NEB: variants seen among roughly 807,000 people sequenced by gnomAD.
NEB encodes the protein nemaline myopathy type 2.
NEB carries 512 observed loss-of-function variants against 952.2 expected under a neutral mutation model. The ratio of observed to expected loss-of-function variants is 0.54; its 90% confidence interval spans 0.50 to 0.58. NEB has a LOEUF of 0.58. NEB is among the 20% of genes least tolerant of loss of function. The pLI is 0.00. For synonymous variants in NEB, 2,900 were observed against 3,149.8 expected (o/e 0.92, Z 2.66); for missense variants, 8,428 against 9,231.1 (o/e 0.91, Z 3.56).
At chr2:151,543,216 G>A (rs1019537512) in intron 135 of NEB, among the ~76,000 whole-genome samples, 1 of 152,226 alleles carries the variant, frequency 6.6e-6, no homozygotes, top group Non-Finnish European at 1.5e-5. Flanking sequence ...GGAATTTAAT[G>A]TAATGCGGCA....
intron 170 of NEB, 39 bp downstream of exon 170, chr2:151,498,221 A>G (rs2061662596): frequency 6.5e-7 from 1 of 1,550,098 alleles, no homozygotes; most frequent in South Asian, 1.2e-5. Context: ...TTTAATTCTG[A>G]AGTTAAGTGG....
At chr2:151,506,838 C>CT in intron 163 of NEB, 71 bp downstream of exon 163, 2 of 981,712 alleles carry the variant, frequency 2.0e-6, no homozygotes, top group Non-Finnish European at 3.2e-6. Flanking sequence ...CAATATAAGG[C>CT]TAGTATATTT....
intron 13 of NEB, among the ~76,000 whole-genome samples, chr2:151,700,814 G>T (rs1226709815): frequency 7.5e-6 from 1 of 132,976 alleles, no homozygotes; most frequent in African/African-American, 2.8e-5. Context: ...CTGCAAACAG[G>T]GACAATTTGA....
intron 101 of NEB, 27 bp downstream of exon 101, chr2:151,583,428 C>T: frequency 4.1e-6 from 1 of 243,030 alleles, no homozygotes; most frequent in Non-Finnish European, 7.5e-6. Flanking sequence ...TACACATCTC[C>T]CCGGGGTCTG....
Position 151,485,859 on chromosome 2 carries a change from G to A in NEB, c.25479C>T (p.Ile8493=), listed in dbSNP as rs2049826815. Reference sequence around the variant, plus strand: ...CTTCATCAATTGCTTGAACATTTATGATGGCATCTCCATCCTTGAAGGACA... The same window carrying A: ...CTTCATCAATTGCTTGAACATTTATAATGGCATCTCCATCCTTGAAGGACA... ...DEVSFKDGDA[I]INVQAIDEGW... is the part of the protein sequence containing the mutation. Residue 8493 remains isoleucine (I), a synonymous_variant, in exon 182 of 182, where the codon ATC becomes ATT. Coordinates refer to ENST00000397345, the MANE Select transcript of NEB (RefSeq NM_001164508.2). 4 of 1,614,000 alleles carry A rather than the reference G, an allele frequency of 2.5e-6. No homozygotes were observed. Among genetic ancestry groups the A allele is most frequent in the Non-Finnish European group, 3.4e-6 (4 of 1,179,890 alleles).
chr2:151,725,627 C>A, intron 5 of NEB, 67 bp from the exon 6 acceptor site: 1 of 1,240,226 alleles, frequency 8.1e-7, no homozygotes, highest in Non-Finnish European at 1.2e-6. Flanking sequence ...ATACTCACCC[C>A]ATTTGATAAA....
chr2:151,526,586 G>A (rs1428444734), intron 148 of NEB, among the ~76,000 whole-genome samples: 3 of 152,186 alleles, frequency 2.0e-5, no homozygotes, highest in Non-Finnish European at 4.4e-5. Context: ...GGAGGAAACT[G>A]TAGTGAAGGG....
chr2:151,702,988 T>C (rs1019541621), intron 13 of NEB, among the ~76,000 whole-genome samples: 3 of 152,226 alleles, frequency 2.0e-5, no homozygotes, highest in Non-Finnish European at 4.4e-5. Flanking sequence ...GATTTTGCAG[T>C]GGCTGGTACC....
intron 46 of NEB, among the ~76,000 whole-genome samples, chr2:151,660,310 T>C (rs951114715): frequency 4.6e-5 from 7 of 152,202 alleles, no homozygotes; most frequent in African/African-American, 1.7e-4. Context: ...CCAATTTTCA[T>C]CTTAGCGTCT....
At chr2:151,534,548 C>A (rs1387238881) in intron 142 of NEB, among the ~76,000 whole-genome samples, 4 of 152,114 alleles carry the variant, frequency 2.6e-5, no homozygotes, top group Non-Finnish European at 4.4e-5. Flanking sequence ...AATTAGAGTT[C>A]CTTGTGCCCA....
At chr2:151,578,705 GGGAAGGAAGGAAGGAAGGAGGGAA>G (rs1368340188) in intron 105 of NEB, among the ~76,000 whole-genome samples, 1 of 144,428 alleles carries the variant, frequency 6.9e-6, no homozygotes, top group South Asian at 2.2e-4. Flanking sequence ...GAGAGAAGGA[GGGAAGGAAGGAAGGAAGGAGGGAA>G]GGAAGGAAGG....
intron 78 of NEB, 102 bp downstream of exon 78, chr2:151,612,084 A>G (rs1423666107): frequency 7.7e-7 from 1 of 1,294,570 alleles, no homozygotes; most frequent in African/African-American, 1.5e-5. Context: ...AATCAGGCCT[A>G]TGACACCTCC....
intron 121 of NEB, 25 bp downstream of exon 121, chr2:151,562,085 C>T (rs769125320): frequency 1.9e-6 from 3 of 1,573,040 alleles, no homozygotes; most frequent in Non-Finnish European, 2.6e-6. Context: ...CATGGAGAAC[C>T]AGTCCTTCTA....
intron 145 of NEB, chr2:151,530,588 AT>A (rs2090109715): frequency 6.3e-6 from 1 of 157,730 alleles, no homozygotes; most frequent in Non-Finnish European, 1.4e-5. Context: ...GTGGAAATTC[AT>A]TTTTAAAAAA....
intron 136 of NEB, 28 bp from the exon 137 acceptor site, chr2:151,540,829 A>G (rs372111642): frequency 1.3e-6 from 2 of 1,546,338 alleles, no homozygotes; most frequent in South Asian, 1.1e-5. Flanking sequence ...GTGAGGTGTC[A>G]TAGAGATAAA....
At chr2:151,531,649 T>G in intron 144 of NEB, 143 bp downstream of exon 144, 2 of 679,988 alleles carry the variant, frequency 2.9e-6, no homozygotes, top group Non-Finnish European at 5.3e-6. Flanking sequence ...GAGAATCCTG[T>G]GCATAACAGG....
intron 10 of NEB, among the ~76,000 whole-genome samples, chr2:151,710,865 T>C (rs1295697242): frequency 6.6e-6 from 1 of 152,218 alleles, no homozygotes; most frequent in East Asian, 1.9e-4. Context: ...ATATTTCAGT[T>C]ACAATACAAC....
chr2:151,570,707 A>T (rs1014545898), intron 107 of NEB, 106 bp from the exon 108 acceptor site: 3 of 960,556 alleles, frequency 3.1e-6, no homozygotes, highest in Admixed American at 2.1e-5. Context: ...AAGCCCAAGG[A>T]CTTGAGAGCA....
intron 45 of NEB, among the ~76,000 whole-genome samples, chr2:151,663,158 C>T (rs542822883): frequency 5.3e-5 from 8 of 152,156 alleles, no homozygotes; most frequent in African/African-American, 1.9e-4. Flanking sequence ...GAATGAAACC[C>T]GGTTGGGAGG....
Sources: allele counts gnomAD v4.1 joint callset (sites outside exome capture counted in the v4.1 genomes callset), GRCh38; gene constraint gnomAD v4.1.1; transcripts MANE v1.5; gene names NCBI Gene and HGNC (gene_info 2026-07-23, HGNC 2026-07-21).